Variants in ADCY9 observed in about 807,000 individuals in gnomAD.
ADCY9 encodes adenylate cyclase 9.
Under a neutral mutation model 101.5 loss-of-function variants are expected in ADCY9, and 50 were observed. The ratio of observed to expected loss-of-function variants is 0.49; its 90% CI spans 0.39 to 0.62. The LOEUF (loss-of-function observed/expected upper bound fraction) is 0.62. ADCY9 is among the 20% of genes least tolerant of loss of function. The pLI is 0.00. For missense variants in ADCY9, 1,662 were observed against 1,800.4 expected (o/e 0.92, Z 1.39); for synonymous variants, 905 against 769.3 (o/e 1.18, Z -2.92).
chr16:3,994,104 C>T (rs1344768457), intron 3 of ADCY9, among the ~76,000 whole-genome samples: 1 of 152,110 alleles, frequency 6.6e-6, no homozygotes, highest in East Asian at 1.9e-4. Flanking sequence ...GGGGCAAAGC[C>T]TTGGGAGGTA....
chr16:4,029,879 A>G (rs1189315508), intron 2 of ADCY9, among the ~76,000 whole-genome samples: 2 of 152,198 alleles, frequency 1.3e-5, no homozygotes, highest in Admixed American at 6.5e-5. Flanking sequence ...AGACATATGA[A>G]AAGACACTCA....
At chr16:3,985,329 G>A (rs895843125) in intron 6 of ADCY9, among the ~76,000 whole-genome samples, 5 of 151,998 alleles carry the variant, frequency 3.3e-5, no homozygotes, top group Admixed American at 3.3e-4. Flanking sequence ...TAGTAGAGAT[G>A]GGATTTCACC....
chr16:4,003,145 C>T (rs1044809881), intron 3 of ADCY9, among the ~76,000 whole-genome samples: 1 of 152,194 alleles, frequency 6.6e-6, no homozygotes, highest in Admixed American at 6.5e-5. Flanking sequence ...GCTGACGTCA[C>T]ATTCAACAGG....
Position 3,992,128 on chromosome 16 carries a change from AG to A in ADCY9, c.2207+17del. 6.2e-7 allele frequency: 1 copy of A among 1,612,256 alleles called. No individual in the cohort carries two copies. Among genetic ancestry groups the A allele is most frequent in the Non-Finnish European group, 8.5e-7 (1 of 1,178,712 alleles). ...CTGCCTGCAACCTTTGCTTTTTCCC[AG>A]ACAGCCCCAGTCGTACCTGTCTTCT... On this transcript the variant is annotated intron_variant, in intron 5 of 10. Transcript: ENST00000294016. The surrounding 1 kb of genome is among the most constrained non-coding windows in gnomAD (Gnocchi z 4.2).
At chr16:4,113,677 G>T in intron 2 of ADCY9, 73 bp downstream of exon 2, 31 of 1,519,082 alleles carry the variant, frequency 2.0e-5, no homozygotes, top group Non-Finnish European at 2.6e-5. Flanking sequence ...CACTGAGGCT[G>T]GAAGCTTTTT....
rs2056368577 is a variant in ADCY9, at chr16:4,006,557, T to C, written c.1884+811A>G. 2.0e-5 allele frequency among the ~76,000 whole-genome samples: 3 copies of C among 152,182 alleles called. No individual in the cohort carries two copies. In the South Asian group the frequency reaches 6.2e-4, roughly 32 times the overall value. The stretch of plus-strand genomic sequence containing the variant: ...ACGTATTGGGTGAAGCTGTAACCAC[T>C]GGCCGCCATCCTCACACATACCCCA... On this transcript the variant is annotated intron_variant, in intron 3 of 10. Transcript: ENST00000294016.
At chr16:4,095,198 CGG>C (rs2056995826) in intron 2 of ADCY9, among the ~76,000 whole-genome samples, 7 of 27,794 alleles carry the variant, frequency 2.5e-4, no homozygotes, top group East Asian at 0.013. Context: ...GACAGGGTTT[CGG>C]ACGTTGGCCA....
At chr16:4,098,054 G>A (rs906413812) in intron 2 of ADCY9, among the ~76,000 whole-genome samples, 3 of 151,770 alleles carry the variant, frequency 2.0e-5, no homozygotes, top group Non-Finnish European at 4.4e-5. Flanking sequence ...AGAGTGGCTG[G>A]CCCATAGCTC....
chr16:3,981,596 CT>C (rs920294131), intron 7 of ADCY9, among the ~76,000 whole-genome samples: 1 of 151,828 alleles, frequency 6.6e-6, no homozygotes, highest in Non-Finnish European at 1.5e-5. Context: ...AGCAGATCTT[CT>C]TTTTTTTCTT....
chr16:3,961,034 T>C (rs930286282), downstream of ADCY9, among the ~76,000 whole-genome samples: 5 of 152,190 alleles, frequency 3.3e-5, no homozygotes, highest in African/African-American at 1.2e-4. Flanking sequence ...GTGAACAAGA[T>C]TTCAGATGAA....
intron 3 of ADCY9, among the ~76,000 whole-genome samples, chr16:3,995,464 T>C (rs963496003): frequency 6.6e-6 from 1 of 152,036 alleles, no homozygotes; most frequent in African/African-American, 2.4e-5. Context: ...AGTATATATA[T>C]AGCCTAGCAC....
intron 2 of ADCY9, among the ~76,000 whole-genome samples, chr16:4,088,486 C>T (rs1399980265): frequency 1.3e-5 from 2 of 151,990 alleles, no homozygotes; most frequent in African/African-American, 4.8e-5. Flanking sequence ...GACAGGATTT[C>T]ACCATGTGAA....
intron 2 of ADCY9, among the ~76,000 whole-genome samples, chr16:4,092,889 C>T (rs2056982224): frequency 6.6e-6 from 1 of 152,106 alleles, no homozygotes; most frequent in Non-Finnish European, 1.5e-5. Context: ...CAGGAAAGCA[C>T]ACCAACAGCT....
At chr16:4,000,874 T>C (rs1282997867) in intron 3 of ADCY9, among the ~76,000 whole-genome samples, 1 of 151,742 alleles carries the variant, frequency 6.6e-6, no homozygotes, top group Admixed American at 6.6e-5. Context: ...TAAGAAAATA[T>C]TTGGCATCTG....
chr16:3,965,768 C>G lies in ADCY9; in HGVS notation c.*7G>C. The stretch of plus-strand genomic sequence containing the variant: ...CAGAGCACCTCGGGCAGCGGGTGGG[C>G]GCCGCCTCACACACTCTTTGAAACG... On this transcript the variant is annotated 3_prime_UTR_variant, in exon 11 of 11. Transcript: ENST00000294016. The G allele has an allele frequency of 6.3e-7, 1 of 1,599,686 alleles. No homozygotes were observed.
intron 2 of ADCY9, among the ~76,000 whole-genome samples, chr16:4,079,076 A>G (rs2056886130): frequency 6.6e-6 from 1 of 152,222 alleles, no homozygotes; most frequent in African/African-American, 2.4e-5. Context: ...AGTGCTGCCA[A>G]TTAAACTATG....
rs534945553 is a variant in ADCY9 at position 4,030,483 on chromosome 16, C to T, written c.1694-22925G>A. Among the ~76,000 whole-genome samples the T allele has an allele frequency of 2.0e-5, 3 of 152,148 alleles. No individual in the cohort carries two copies. In the East Asian group the frequency reaches 5.8e-4, roughly 29 times the overall value. On this transcript the variant is annotated intron_variant, in intron 2 of 10. Coordinates refer to ENST00000294016, the MANE Select transcript of ADCY9 (RefSeq NM_001116.4). ...TTGGGAGGCCTAGGCGGGTGGATTA[C>T]CTGAGGTCAGGAGTTTGAGACCAAC...
intron 2 of ADCY9, among the ~76,000 whole-genome samples, chr16:4,066,159 G>A (rs1437614372): frequency 5.9e-5 from 9 of 152,178 alleles, no homozygotes; most frequent in Non-Finnish European, 1.3e-4. Context: ...CAATGGGGAC[G>A]TTCCATCTAC....
rs370205219 is a variant in ADCY9 at position 3,956,572 on chromosome 16, CCT to C, written c.568-3058_568-3057del. ...GTGGCATGATCTTGGCTCACTGAAA[CCT>C]CTGTCTCCCAGGTTCAAGCGATTCT... On this transcript the variant is annotated intron_variant, in intron 5 of 5. Coordinates refer to the ADCY9 transcript ENST00000576936. Among the ~76,000 whole-genome samples the C allele has an allele frequency of 9.1e-4, 120 of 132,548 alleles. 1 individual carries two copies. The East Asian group carries it at 0.018, about 20-fold the overall frequency. The allele number at this position is 132,548 out of a possible 152,430, so 87.0% of individuals were successfully genotyped here. A position where few individuals can be genotyped will look rare whatever the true frequency, so the allele number is the denominator to read the frequency against.
Sources: allele counts gnomAD v4.1 joint callset (sites outside exome capture counted in the v4.1 genomes callset), GRCh38; gene constraint gnomAD v4.1.1; non-coding constraint Gnocchi (gnomAD v3.1); transcripts MANE v1.5; gene names NCBI Gene and HGNC (gene_info 2026-07-23, HGNC 2026-07-21).